SNTG2: variants seen among roughly 807,000 people sequenced by gnomAD.
The protein encoded by SNTG2 is syntrophin gamma 2.
Under a neutral mutation model 70.9 loss-of-function variants are expected in SNTG2, and 74 were observed. The observed-to-expected ratio is 1.04, with a 90% CI of 0.86 to 1.27. SNTG2 has a LOEUF of 1.27. Among genes scored for constraint, SNTG2 ranks in the 50% most tolerant of loss-of-function variants. The pLI is 0.00. For synonymous variants in SNTG2, 278 were observed against 273.8 expected (o/e 1.02, Z -0.15); for missense variants, 717 against 690.7 (o/e 1.04, Z -0.43).
At chr2:1,119,969 T>C (rs1667280282) in intron 4 of SNTG2, among the ~76,000 whole-genome samples, 1 of 152,090 alleles carries the variant, frequency 6.6e-6, no homozygotes, top group African/African-American at 2.4e-5. Flanking sequence ...CCTTGAATAT[T>C]ACAAACAACA....
intron 16 of SNTG2, chr2:1,346,416 A>G (rs1485601125): frequency 1.3e-5 from 2 of 152,222 alleles, no homozygotes; most frequent in Non-Finnish European, 2.9e-5. Context: ...CTCAGTCCCC[A>G]TCTCCAGCTC....
intron 14 of SNTG2, among the ~76,000 whole-genome samples, chr2:1,273,386 G>A (rs983341325): frequency 6.6e-6 from 1 of 152,136 alleles, no homozygotes; most frequent in African/African-American, 2.4e-5. Context: ...TAATATTCTG[G>A]TATTAGTAGT....
At chr2:1,358,427 G>A (rs1660968180) in intron 16 of SNTG2, among the ~76,000 whole-genome samples, 1 of 150,412 alleles carries the variant, frequency 6.6e-6, no homozygotes, top group African/African-American at 2.4e-5. Flanking sequence ...TTCTTATCTA[G>A]TTTCTTAAGG....
chr2:1,067,464 T>A (rs893605072), intron 1 of SNTG2, among the ~76,000 whole-genome samples: 1 of 152,238 alleles, frequency 6.6e-6, no homozygotes, highest in African/African-American at 2.4e-5. Context: ...ATGGAAAGGA[T>A]AAAATACATA....
rs1484797603 is a variant in SNTG2, at chr2:1,317,100, C to A, written c.1488+725C>A. Among the ~76,000 whole-genome samples the A allele has an allele frequency of 8.6e-5, 8 of 92,950 alleles. 1 individual carries two copies. The highest frequency in any genetic ancestry group is 1.8e-4 in the Non-Finnish European group (8 of 43,638). 61.0% of individuals were successfully genotyped at this position (92,950 alleles called of 152,430 possible). ...GATTCTGGAGCATTTAGCATCAGGC[C>A]AGCATTGGAGAAGGTTGGGATTCTG... On this transcript the variant is annotated intron_variant, in intron 16 of 16. Transcript: ENST00000308624.
chr2:1,064,056 A>G (rs1662996227), intron 1 of SNTG2, among the ~76,000 whole-genome samples: 1 of 152,222 alleles, frequency 6.6e-6, no homozygotes, highest in South Asian at 2.1e-4. Context: ...AAAAGATAAA[A>G]TACTTACGTA....
intron 13 of SNTG2, among the ~76,000 whole-genome samples, chr2:1,266,751 C>CTTTTTTTTTTTTTTTTTTTTTTTTT (rs59679083): frequency 2.8e-5 from 3 of 107,752 alleles, no homozygotes; most frequent in Non-Finnish European, 3.5e-5. Flanking sequence ...TCATCTTTAT[C>CTTTTTTTTTTTTTTTTTTTTTTTTT]TTTTTTTTTT....
intron 6 of SNTG2, among the ~76,000 whole-genome samples, chr2:1,162,308 C>A (rs950351842): frequency 9.2e-5 from 14 of 152,182 alleles, no homozygotes; most frequent in African/African-American, 3.4e-4. Flanking sequence ...TCCACACACA[C>A]CTCAATGATT....
intron 16 of SNTG2, 32 bp from the exon 17 acceptor site, chr2:1,367,311 T>G (rs1027704288): frequency 2.7e-6 from 4 of 1,503,200 alleles, no homozygotes; most frequent in Non-Finnish European, 3.6e-6. Context: ...CCAACAATTA[T>G]AATAAACACT....
rs533641242 is a variant in SNTG2, at chr2:1,274,896, A to G, written c.1284+7325A>G. The stretch of plus-strand genomic sequence containing the variant: ...AGGCTAGGTAATTTATAAAGGAAAA[A>G]GGGCTTATTTAGCTCATAGTTCTGC... On this transcript the variant is annotated intron_variant, in intron 14 of 16. Transcript: ENST00000308624. 2.6e-5 allele frequency among the ~76,000 whole-genome samples: 4 copies of G among 152,330 alleles called. No individual in the cohort carries two copies. The East Asian group carries it at 7.7e-4, about 29-fold the overall frequency.
In SNTG2 at chr2:979,032, C is replaced by T. The variant is rs73908629; in HGVS notation, c.72+27964C>T. ...AAACCAAGGCCCTGCTCTTCTTAAT[C>T]GCAATCTCCTAGGGAGCATTGAAGT... On this transcript the variant is annotated intron_variant, in intron 1 of 16. Transcript: ENST00000308624. 2.6e-3 allele frequency among the ~76,000 whole-genome samples: 397 copies of T among 152,298 alleles called. 4 individuals carry two copies. The highest frequency in any genetic ancestry group is 9.0e-3 in the African/African-American group (373 of 41,564).
chr2:1,235,494 A>C (rs60278542), intron 9 of SNTG2, among the ~76,000 whole-genome samples: 17 of 34,696 alleles, frequency 4.9e-4, no homozygotes, highest in African/African-American at 6.5e-4. Context: ...CACCAGGCAC[A>C]CCCTATTCAT....
At chr2:1,121,573 A>T (rs1303257523) in intron 4 of SNTG2, among the ~76,000 whole-genome samples, 1 of 106,908 alleles carries the variant, frequency 9.4e-6, no homozygotes, top group Non-Finnish European at 2.4e-5. Context: ...TGTTTGACTC[A>T]CAGTTCCGCA....
chr2:1,354,995 A>G (rs1204791648), intron 16 of SNTG2, among the ~76,000 whole-genome samples: 5 of 152,164 alleles, frequency 3.3e-5, no homozygotes, highest in Admixed American at 1.3e-4. Flanking sequence ...CGATTTCTTC[A>G]TGTGTGAAAC....
chr2:1,204,439 G>T (rs535709124), intron 8 of SNTG2, among the ~76,000 whole-genome samples: 1 of 152,186 alleles, frequency 6.6e-6, no homozygotes, highest in Admixed American at 6.5e-5. Context: ...CAAGTGTATG[G>T]TGATGCCTCT....
chr2:1,027,891 G>T (rs1299882463), intron 1 of SNTG2, among the ~76,000 whole-genome samples: 1 of 144,540 alleles, frequency 6.9e-6, no homozygotes, highest in Non-Finnish European at 1.5e-5. Flanking sequence ...TCTCTGTTGA[G>T]TAAAGAGATA....
intron 1 of SNTG2, among the ~76,000 whole-genome samples, chr2:991,046 A>T (rs1415253201): frequency 1.3e-5 from 2 of 152,108 alleles, no homozygotes; most frequent in Admixed American, 6.5e-5. Context: ...CCATCCTAAG[A>T]TCAGTAAAAA....
At chr2:1,216,434 C>A (rs1674398583) in intron 9 of SNTG2, among the ~76,000 whole-genome samples, 1 of 152,038 alleles carries the variant, frequency 6.6e-6, no homozygotes, top group South Asian at 2.1e-4. Context: ...TGTTTGAGTT[C>A]TTTGTAGATT....
intron 16 of SNTG2, among the ~76,000 whole-genome samples, chr2:1,324,612 C>T (rs550220526): frequency 5.3e-5 from 8 of 152,238 alleles, no homozygotes; most frequent in South Asian, 2.1e-4. Context: ...CAATGGTCAG[C>T]GCTAGAATCT....
Sources: gnomAD v4.1 joint callset for allele counts (sites outside exome capture counted in the v4.1 genomes callset) on GRCh38, gnomAD v4.1.1 for gene constraint, MANE v1.5 for transcripts, NCBI Gene and HGNC (gene_info 2026-07-23, HGNC 2026-07-21) for gene names.